PAK3: variants seen among roughly 807,000 people sequenced by gnomAD.
PAK3 encodes p21 (RAC1) activated kinase 3.
Under a neutral mutation model 41.0 loss-of-function variants are expected in PAK3, and 4 were observed. The observed-to-expected ratio is 0.10, with a 90% CI of 0.05 to 0.22. PAK3 has a LOEUF of 0.22. Among genes scored for constraint, PAK3 ranks in the 10% least tolerant of loss-of-function variants. The probability of loss-of-function intolerance (pLI) is 1.00; values close to 1 mark genes in which losing one functional copy is unlikely to be tolerated. For missense variants in PAK3, 205 were observed against 409.9 expected (o/e 0.50, Z 4.32); for synonymous variants, 146 against 139.6 (o/e 1.05, Z -0.32).
intron 1 of PAK3, among the ~76,000 whole-genome samples, chrX:111,047,142 G>A (rs1267258730): frequency 8.9e-6 from 1 of 112,271 alleles, no homozygotes; most frequent in African/African-American, 3.2e-5. Context: ...AGATATATCT[G>A]TATATAGAGG....
At chrX:111,135,074 C>T (rs1163252034) in intron 5 of PAK3, among the ~76,000 whole-genome samples, 2 of 110,635 alleles carry the variant, frequency 1.8e-5, no homozygotes, top group Admixed American at 1.9e-4. Flanking sequence ...CAGGAGGAAT[C>T]GGGAAGAGGG....
At chrX:111,219,253 A>G (rs1054643596) in intron 17 of PAK3, among the ~76,000 whole-genome samples, 4 of 107,125 alleles carry the variant, frequency 3.7e-5, no homozygotes, top group African/African-American at 1.3e-4. Context: ...AGATAAATGT[A>G]AGAGACGTTG....
chrX:111,105,896 G>A (rs780986990), intron 4 of PAK3, among the ~76,000 whole-genome samples: 53 of 111,319 alleles, frequency 4.8e-4, no homozygotes, highest in Middle Eastern at 9.2e-3. Context: ...TACACACACA[G>A]GTATAGTCAC....
intron 1 of PAK3, among the ~76,000 whole-genome samples, chrX:110,966,637 A>T (rs1398741546): frequency 3.6e-5 from 4 of 111,457 alleles, no homozygotes; most frequent in Admixed American, 2.9e-4. Context: ...AAAAGGGAAT[A>T]TGTCCATAAT....
chrX:111,064,466 A>C (rs2092685532), intron 1 of PAK3, among the ~76,000 whole-genome samples: 1 of 88,561 alleles, frequency 1.1e-5, no homozygotes, highest in South Asian at 7.1e-4. Context: ...CCCCTCTAGT[A>C]GTCCCTAGTG....
chrX:111,166,380 T>G (rs1408544899), intron 10 of PAK3, among the ~76,000 whole-genome samples: 1 of 111,772 alleles, frequency 8.9e-6, no homozygotes, highest in African/African-American at 3.3e-5. Flanking sequence ...CATGGCTCAC[T>G]GCAACCTTGA....
At chrX:111,213,417 A>T (rs2094842489) in intron 16 of PAK3, among the ~76,000 whole-genome samples, 1 of 112,359 alleles carries the variant, frequency 8.9e-6, no homozygotes, top group Non-Finnish European at 1.9e-5. Flanking sequence ...ATGGAATGGA[A>T]AAAAGGCCAA....
rs537020396 is a variant in PAK3 at position 111,181,657 on chromosome X, GA to G, written c.830+8578del. ...AAACTTATTTCTTAAAAGACTTGTTGAATAACAGTGTCGTTTAGAGAACCTG... is the reference window on the plus strand; with the variant it reads ...AAACTTATTTCTTAAAAGACTTGTTGATAACAGTGTCGTTTAGAGAACCTG... On this transcript the variant is annotated intron_variant, in intron 11 of 17. Coordinates refer to ENST00000372007, the MANE Select transcript of PAK3 (RefSeq NM_002578.5). 3.7e-4 allele frequency among the ~76,000 whole-genome samples: 41 copies of G among 110,902 alleles called. 1 individual carries two copies. In the South Asian group the frequency reaches 0.015, roughly 40 times the overall value.
intron 7 of PAK3, among the ~76,000 whole-genome samples, chrX:111,148,751 G>C (rs750301246): frequency 3.6e-5 from 4 of 110,564 alleles, no homozygotes. Flanking sequence ...CCCACCCCCG[G>C]GTCCCTCCCA....
chrX:111,212,261 A>T (rs1457123154), intron 16 of PAK3, among the ~76,000 whole-genome samples: 1 of 112,051 alleles, frequency 8.9e-6, no homozygotes, highest in Non-Finnish European at 1.9e-5. Context: ...GTTATCACTC[A>T]CACCCAGAAC....
In PAK3 at chrX:111,187,290, A is replaced by G. The variant is rs1011913756; in HGVS notation, c.831-4837A>G. 2.7e-5 allele frequency among the ~76,000 whole-genome samples: 3 copies of G among 111,765 alleles called. No individual in the cohort carries two copies. In the Admixed American group the frequency reaches 2.9e-4, roughly 11 times the overall value. On this transcript the variant is annotated intron_variant, in intron 11 of 17. Coordinates refer to ENST00000372007, the MANE Select transcript of PAK3 (RefSeq NM_002578.5). ...AACATCAAATATCTTGAAAACTCCCAGATACTTACAGAGCTTCCTTATGAT... is the reference window on the plus strand; with the variant it reads ...AACATCAAATATCTTGAAAACTCCCGGATACTTACAGAGCTTCCTTATGAT...
At chrX:111,072,096 A>T (rs2092749783) in intron 1 of PAK3, among the ~76,000 whole-genome samples, 1 of 112,097 alleles carries the variant, frequency 8.9e-6, no homozygotes, top group South Asian at 3.7e-4. Flanking sequence ...GGAAATTTCA[A>T]GGGGTTAAGA....
At chrX:110,949,535 G>T (rs2090697189) in intron 1 of PAK3, among the ~76,000 whole-genome samples, 1 of 111,451 alleles carries the variant, frequency 9.0e-6, no homozygotes, top group East Asian at 2.8e-4. Context: ...AGCATTGTAG[G>T]TCGAGAGCTC....
At chrX:111,003,564 G>A (rs2091881459) in intron 1 of PAK3, among the ~76,000 whole-genome samples, 1 of 111,704 alleles carries the variant, frequency 9.0e-6, no homozygotes, top group African/African-American at 3.3e-5. Flanking sequence ...AGGACAGCTT[G>A]GAGGTGGGAG....
intron 8 of PAK3, among the ~76,000 whole-genome samples, chrX:111,157,435 A>C (rs1185826960): frequency 9.0e-6 from 1 of 111,466 alleles, no homozygotes; most frequent in African/African-American, 3.3e-5. Context: ...GCATGTGTCT[A>C]CCTGTACCTT....
At chrX:111,217,489 T>C in intron 17 of PAK3, 1 of 963,451 alleles carries the variant, frequency 1.0e-6, no homozygotes, top group Non-Finnish European at 1.3e-6. Context: ...AACCACAGAT[T>C]GTCTGTTCTA....
rs147543818 is a variant in PAK3, at chrX:111,083,032, A to G, written c.-27-40045A>G. ...AATTAGTGCCAAAGAAATATTTAAA[A>G]GAAATTATTTTCTCCCAAGGTGATT... On this transcript the variant is annotated intron_variant, in intron 1 of 14. Coordinates refer to the PAK3 transcript ENST00000425146. 7.4e-3 allele frequency among the ~76,000 whole-genome samples: 831 copies of G among 112,633 alleles called. 10 individuals are homozygous for G. Among genetic ancestry groups the G allele is most frequent in the African/African-American group, 0.026 (795 of 31,037 alleles).
chrX:111,029,411 C>T (rs1320518391), intron 1 of PAK3, among the ~76,000 whole-genome samples: 1 of 111,494 alleles, frequency 9.0e-6, no homozygotes, highest in Admixed American at 9.5e-5. Flanking sequence ...AATAGCCCGC[C>T]ATTGACCAGA....
chrX:111,145,401 A>G (rs781017899), intron 6 of PAK3, among the ~76,000 whole-genome samples: 1 of 112,355 alleles, frequency 8.9e-6, no homozygotes, highest in South Asian at 3.7e-4. Context: ...ATGGGAATGT[A>G]TAATAACTGC....
Sources: allele counts gnomAD v4.1 joint callset (sites outside exome capture counted in the v4.1 genomes callset), GRCh38; gene constraint gnomAD v4.1.1; transcripts MANE v1.5; gene names NCBI Gene and HGNC (gene_info 2026-07-23, HGNC 2026-07-21).